Variants in PAM observed in about 807,000 individuals in gnomAD.
PAM encodes the protein peptidylglycine alpha-amidating monooxygenase, also known as peptidyl-glycine alpha-amidating monooxygenase.
A neutral mutation model predicts 122.1 loss-of-function variants in PAM; 72 were observed. The ratio of observed to expected loss-of-function variants is 0.59; its 90% confidence interval spans 0.49 to 0.72. The LOEUF is 0.72. Among genes scored for constraint, PAM ranks in the 30% least tolerant of loss-of-function variants. The pLI is 0.00. For synonymous variants in PAM, 389 were observed against 404.4 expected (o/e 0.96, Z 0.46); for missense variants, 1,106 against 1,183.7 (o/e 0.93, Z 0.96).
intron 7 of PAM, among the ~76,000 whole-genome samples, chr5:102,940,444 T>C (rs1754789385): frequency 6.7e-6 from 1 of 148,656 alleles, no homozygotes. Flanking sequence ...ATATATATAA[T>C]GCTATATATA....
chr5:102,827,665 ATTTTTTTTTTTT>A (rs947792228), intron 1 of PAM, among the ~76,000 whole-genome samples: 3 of 35,574 alleles, frequency 8.4e-5, no homozygotes, highest in Non-Finnish European at 1.3e-4. Flanking sequence ...GCTCACTATG[ATTTTTTTTTTTT>A]TTTTTTTTTT....
chr5:102,871,954 A>C (rs1156390191), intron 3 of PAM, among the ~76,000 whole-genome samples: 1 of 152,032 alleles, frequency 6.6e-6, no homozygotes, highest in East Asian at 1.9e-4. Context: ...CAAATTTGCA[A>C]AAACTAAATG....
intron 1 of PAM, among the ~76,000 whole-genome samples, chr5:102,770,776 G>A (rs1169288008): frequency 6.6e-6 from 1 of 151,880 alleles, no homozygotes; most frequent in South Asian, 2.1e-4. Flanking sequence ...TTGTATCAAT[G>A]TTCATCAGGG....
intron 1 of PAM, among the ~76,000 whole-genome samples, chr5:102,794,395 A>T (rs557053889): frequency 1.7e-4 from 26 of 152,328 alleles, no homozygotes; most frequent in African/African-American, 6.3e-4. Flanking sequence ...GCCAATGGTG[A>T]ACAAAGCATT....
Position 102,884,682 on chromosome 5 carries a change from A to G in PAM, c.211-16674A>G, listed in dbSNP as rs549093793. On this transcript the variant is annotated intron_variant, in intron 3 of 25. Transcript: ENST00000438793. ...CTCTTCAAGAAAAGCATTTGGAACT[A>G]TTCCACATGAATGTTGCATTCTTTA... 2.6e-5 allele frequency among the ~76,000 whole-genome samples: 4 copies of G among 152,060 alleles called. No homozygotes were observed. In the East Asian group the frequency reaches 5.8e-4, roughly 22 times the overall value.
chr5:102,876,203 G>A (rs1581213145), intron 3 of PAM, among the ~76,000 whole-genome samples: 1 of 152,014 alleles, frequency 6.6e-6, no homozygotes, highest in Non-Finnish European at 1.5e-5. Context: ...TTTTCATCCT[G>A]TCTTCCAAAT....
intron 1 of PAM, among the ~76,000 whole-genome samples, chr5:102,832,378 A>G (rs1775726595): frequency 6.6e-6 from 1 of 152,014 alleles, no homozygotes; most frequent in Non-Finnish European, 1.5e-5. Context: ...TCCTATGTAC[A>G]GCAGTTCCCC....
chr5:102,860,639 T>C (rs1561658235), intron 1 of PAM, among the ~76,000 whole-genome samples: 1 of 151,618 alleles, frequency 6.6e-6, no homozygotes, highest in Non-Finnish European at 1.5e-5. Context: ...TGAGCTAAGA[T>C]CATGCCACTG....
chr5:102,764,777 C>T (rs564490282), intron 1 of PAM, among the ~76,000 whole-genome samples: 12 of 152,290 alleles, frequency 7.9e-5, no homozygotes, highest in South Asian at 6.2e-4. Context: ...AACAGCAAAC[C>T]GTGCTCAAAA....
intron 1 of PAM, among the ~76,000 whole-genome samples, chr5:102,818,230 G>A (rs1770589006): frequency 6.6e-6 from 1 of 151,670 alleles, no homozygotes; most frequent in Non-Finnish European, 1.5e-5. Context: ...AAGGGCAGGA[G>A]GCTTTGCTTT....
chr5:103,015,255 A>G (rs986959335), intron 21 of PAM, among the ~76,000 whole-genome samples: 1 of 152,220 alleles, frequency 6.6e-6, no homozygotes, highest in Non-Finnish European at 1.5e-5. Flanking sequence ...GAACTGTTTT[A>G]CTTAATATTA....
At chr5:102,842,154 A>G (rs1483435098) in intron 1 of PAM, among the ~76,000 whole-genome samples, 3 of 151,900 alleles carry the variant, frequency 2.0e-5, no homozygotes, top group African/African-American at 7.3e-5. Flanking sequence ...GAAAACGCAT[A>G]GAACACAAAG....
intron 3 of PAM, among the ~76,000 whole-genome samples, chr5:102,900,091 T>G (rs574360978): frequency 1.3e-5 from 2 of 151,430 alleles, no homozygotes; most frequent in Non-Finnish European, 3.0e-5. Context: ...AAGTAACTGC[T>G]CTAAGAGAGG....
Position 102,974,250 on chromosome 5 carries a change from A to C in PAM, c.1297A>C (p.Lys433Gln). The stretch of plus-strand genomic sequence containing the variant: ...TGAGATTGCAAATGTAGTCCAAAAA[A>C]AGGATCTTGGTCGATCTGATGCCAG... ...VAEIANVVQK[K>Q]DLGRSDAREG... is the part of the protein sequence containing the mutation. The change falls in exon 15 of 26, where the codon AAG (lysine) becomes CAG (glutamine). Residue 433 changes from lysine to glutamine, a missense_variant. Around this residue, in one of 3 missense-constraint regions of PAM, gnomAD observed 670 missense variants for 690.3 expected, o/e 0.97. Transcript: ENST00000438793. 6.2e-7 allele frequency: 1 copy of C among 1,614,084 alleles called. No homozygotes were observed. Among genetic ancestry groups the C allele is most frequent in the Non-Finnish European group, 8.5e-7 (1 of 1,179,962 alleles).
At chr5:103,014,785 G>GCTATCAAAT (rs1781535821) in intron 21 of PAM, among the ~76,000 whole-genome samples, 2 of 152,096 alleles carry the variant, frequency 1.3e-5, no homozygotes, top group African/African-American at 4.8e-5. Flanking sequence ...TAAAGAAAAT[G>GCTATCAAAT]GTTCTATCAA....
chr5:102,847,634 A>G (rs1447188612), intron 1 of PAM, among the ~76,000 whole-genome samples: 1 of 152,222 alleles, frequency 6.6e-6, no homozygotes, highest in Non-Finnish European at 1.5e-5. Context: ...TATCTACTTG[A>G]GTCAGCTAAA....
chr5:102,856,320 C>T (rs1782605084), intron 1 of PAM, among the ~76,000 whole-genome samples: 1 of 152,012 alleles, frequency 6.6e-6, no homozygotes. Context: ...ATGTAATGTC[C>T]TGAGCTTATA....
intron 19 of PAM, 84 bp from the exon 20 acceptor site, chr5:103,007,373 A>G: frequency 1.8e-6 from 2 of 1,087,390 alleles, no homozygotes; most frequent in Non-Finnish European, 2.8e-6. Context: ...ATGGTTTACT[A>G]TCATGAATTT....
At chr5:102,930,868 A>G (rs1374888477) in intron 7 of PAM, among the ~76,000 whole-genome samples, 1 of 152,226 alleles carries the variant, frequency 6.6e-6, no homozygotes, top group Admixed American at 6.5e-5. Flanking sequence ...TCCATAGGAA[A>G]TAGGATGTAC....
Sources: allele counts gnomAD v4.1 joint callset (sites outside exome capture counted in the v4.1 genomes callset), GRCh38; gene constraint gnomAD v4.1.1; regional missense constraint gnomAD v4.1.1; transcripts MANE v1.5; gene names NCBI Gene and HGNC (gene_info 2026-07-23, HGNC 2026-07-21).